Variants in ZNRF1 observed in about 807,000 individuals in gnomAD.
ZNRF1 encodes zinc and ring finger 1.
Under a neutral mutation model 18.4 loss-of-function variants are expected in ZNRF1, and 3 were observed. That is an observed-to-expected ratio of 0.16 (90% CI 0.07 to 0.42). The LOEUF (loss-of-function observed/expected upper bound fraction) is 0.42, where lower values mean the gene tolerates loss of function less well. Ranked by LOEUF, ZNRF1 falls within the 10% of genes least tolerant of loss-of-function variation. The probability of loss-of-function intolerance (pLI) is 0.99; values close to 1 mark genes in which losing one functional copy is unlikely to be tolerated. For synonymous variants in ZNRF1, 157 were observed against 144.2 expected (o/e 1.09, Z -0.64); for missense variants, 310 against 329.8 (o/e 0.94, Z 0.47).
At chr16:75,065,445 C>A (rs1372329162) in intron 1 of ZNRF1, among the ~76,000 whole-genome samples, 1 of 152,208 alleles carries the variant, frequency 6.6e-6, no homozygotes, top group Non-Finnish European at 1.5e-5. Context: ...GCAGTGCCAA[C>A]TATTGTGACG....
chr16:75,065,030 C>T (rs2035785400), intron 1 of ZNRF1, among the ~76,000 whole-genome samples: 1 of 152,194 alleles, frequency 6.6e-6, no homozygotes, highest in African/African-American at 2.4e-5. Flanking sequence ...AGAGATAGGC[C>T]GTGTTCCTGT....
chr16:75,024,088 T>C (rs1224063812), intron 1 of ZNRF1, among the ~76,000 whole-genome samples: 1 of 152,112 alleles, frequency 6.6e-6, no homozygotes, highest in African/African-American at 2.4e-5. Context: ...CAGGCTGGTC[T>C]CGAACTCCTG....
chr16:75,036,971 G>A (rs2035384042), intron 1 of ZNRF1, among the ~76,000 whole-genome samples: 1 of 152,174 alleles, frequency 6.6e-6, no homozygotes, highest in African/African-American at 2.4e-5. Context: ...GAACTTGACA[G>A]TTCTTGTGTG....
intron 1 of ZNRF1, among the ~76,000 whole-genome samples, chr16:75,006,924 G>A (rs2034926208): frequency 1.3e-5 from 2 of 152,150 alleles, no homozygotes; most frequent in Admixed American, 1.3e-4. Flanking sequence ...TAGAACACAG[G>A]TTTATCCTTG....
intron 1 of ZNRF1, among the ~76,000 whole-genome samples, chr16:75,033,822 AAATT>A (rs1263357696): frequency 2.0e-5 from 3 of 152,154 alleles, no homozygotes; most frequent in Admixed American, 2.0e-4. Flanking sequence ...AAGATTGTTA[AAATT>A]AATTGTGACA....
chr16:75,095,597 G>A (rs1597907917), intron 2 of ZNRF1: 1 of 1,544,164 alleles, frequency 6.5e-7, no homozygotes. Flanking sequence ...GTTTGTTGTA[G>A]GAAGAATACA....
chr16:75,022,565 C>CAA (rs372197372), intron 1 of ZNRF1, among the ~76,000 whole-genome samples: 10 of 127,756 alleles, frequency 7.8e-5, no homozygotes, highest in African/African-American at 1.7e-4. Context: ...GACTCCGTCT[C>CAA]AAAAAAAAAA....
Position 75,106,556 on chromosome 16 carries a change from C to A in ZNRF1, c.*17C>A. 1.2e-6 allele frequency: 2 copies of A among 1,614,040 alleles called. No individual in the cohort carries two copies. Among genetic ancestry groups the A allele is most frequent in the Non-Finnish European group, 1.7e-6 (2 of 1,179,970 alleles). On this transcript the variant is annotated 3_prime_UTR_variant, in exon 4 of 5. Transcript: ENST00000335325. The stretch of plus-strand genomic sequence containing the variant: ...GCGGACTGACCTGCGGGCTTGCTTG[C>A]TGACTCCTCTCAAAGGTGAGCCCGC...
intron 1 of ZNRF1, among the ~76,000 whole-genome samples, chr16:75,040,443 G>C (rs558974202): frequency 2.6e-5 from 4 of 151,574 alleles, no homozygotes; most frequent in African/African-American, 9.7e-5. Flanking sequence ...AAGTTCCTAT[G>C]CCTGTTTTTA....
intron 1 of ZNRF1, among the ~76,000 whole-genome samples, chr16:75,032,290 G>A (rs575773894): frequency 5.0e-4 from 63 of 126,838 alleles, no homozygotes; most frequent in Non-Finnish European, 1.0e-3. Context: ...TTGTATTTTT[G>A]TAGAGATGGG....
chr16:75,036,439 C>G (rs1454046057), intron 1 of ZNRF1, among the ~76,000 whole-genome samples: 1 of 152,044 alleles, frequency 6.6e-6, no homozygotes, highest in African/African-American at 2.4e-5. Context: ...CTTGATGTTG[C>G]TTTTTAATCC....
At chr16:75,048,675 G>A (rs912457129) in intron 1 of ZNRF1, among the ~76,000 whole-genome samples, 1 of 152,058 alleles carries the variant, frequency 6.6e-6, no homozygotes, top group African/African-American at 2.4e-5. Flanking sequence ...AGCATTTTTG[G>A]CAGAAGGACT....
chr16:75,093,659 C>G lies in ZNRF1; in HGVS notation c.512C>G (p.Ser171Cys). Residue 171 changes from serine to cysteine, a missense_variant, in exon 2 of 5, where the codon TCC becomes TGC. Ser to Cys is a moderately radical substitution (Grantham distance 112). This residue lies in a region of ZNRF1 where 293 missense variants were observed against 291.2 expected (regional missense o/e 1.01). Transcript: ENST00000335325. ...ATGTGTTTGAGCAAACCTCGCCTCT[C>G]CTACAACGGTAAGGGCTTGGCCTGC... ...FIMCLSKPRL[S>C]YNDDVLTKDA... 6.2e-7 allele frequency: 1 copy of G among 1,613,846 alleles called. No homozygotes were observed. Among genetic ancestry groups the G allele is most frequent in the African/African-American group, 1.3e-5 (1 of 75,060 alleles).
chr16:75,037,567 G>A lies in ZNRF1; in HGVS notation c.424+37472G>A, dbSNP rs113775848. 8.9e-3 allele frequency among the ~76,000 whole-genome samples: 1,362 copies of A among 152,208 alleles called. 21 individuals carry two copies. The highest frequency in any genetic ancestry group is 0.031 in the African/African-American group (1,294 of 41,508). On this transcript the variant is annotated intron_variant, in intron 1 of 4. Transcript: ENST00000335325. ...TTGACCACGCTGGTCTGGAACTCCT[G>A]ACCTCAGGTGATCTGCCACCTAGGC...
At chr16:75,060,117 G>A (rs903831215) in intron 1 of ZNRF1, among the ~76,000 whole-genome samples, 3 of 151,894 alleles carry the variant, frequency 2.0e-5, no homozygotes, top group Non-Finnish European at 4.4e-5. Context: ...GCAGTGACAC[G>A]ATCTCGGCTC....
intron 1 of ZNRF1, among the ~76,000 whole-genome samples, chr16:75,081,706 G>A (rs1487901622): frequency 5.9e-5 from 9 of 152,186 alleles, no homozygotes; most frequent in Non-Finnish European, 1.0e-4. Flanking sequence ...GAATGACTGG[G>A]CATTTCCTGG....
chr16:75,072,648 G>A (rs892792156), intron 1 of ZNRF1, among the ~76,000 whole-genome samples: 1 of 152,160 alleles, frequency 6.6e-6, no homozygotes, highest in Non-Finnish European at 1.5e-5. Context: ...TTAGAACATA[G>A]GATTAGCTAT....
At chr16:75,029,861 C>T (rs1350478653) in intron 1 of ZNRF1, among the ~76,000 whole-genome samples, 1 of 151,892 alleles carries the variant, frequency 6.6e-6, no homozygotes, top group Admixed American at 6.6e-5. Flanking sequence ...ATTGTGAAAA[C>T]CCATTTCTAC....
intron 1 of ZNRF1, among the ~76,000 whole-genome samples, chr16:75,086,551 G>A (rs1055807778): frequency 4.6e-5 from 7 of 152,246 alleles, no homozygotes; most frequent in Non-Finnish European, 1.0e-4. Flanking sequence ...GAGGGAGTCT[G>A]TGTCTTTGAG....
Sources: allele counts gnomAD v4.1 joint callset (sites outside exome capture counted in the v4.1 genomes callset), GRCh38; gene constraint gnomAD v4.1.1; regional missense constraint gnomAD v4.1.1; transcripts MANE v1.5; gene names NCBI Gene and HGNC (gene_info 2026-07-23, HGNC 2026-07-21).